RBFOX1: variants seen among roughly 807,000 people sequenced by gnomAD.
RBFOX1 encodes the protein RNA binding fox-1 homolog 1.
Under a neutral mutation model 57.7 loss-of-function variants are expected in RBFOX1, and 8 were observed. The observed-to-expected ratio is 0.14, with a 90% confidence interval of 0.08 to 0.25. The LOEUF (loss-of-function observed/expected upper bound fraction) is 0.25, where lower values mean the gene tolerates loss of function less well. RBFOX1 is among the 10% of genes least tolerant of loss of function. The pLI is 1.00. For missense variants in RBFOX1, 611 were observed against 548.5 expected, an observed-to-expected ratio of 1.11 and a Z score of -1.14; for synonymous variants, 326 against 222.4, an observed-to-expected ratio of 1.47 and a Z score of -4.15.
chr16:6,754,367 G>A (rs76658262), intron 3 of RBFOX1, among the ~76,000 whole-genome samples: 2,169 of 152,204 alleles, frequency 0.014, 45 homozygotes, highest in Middle Eastern at 0.048. Flanking sequence ...ACCTAAATTG[G>A]AATTAAATTT....
chr16:7,463,820 C>T (rs1199665936), intron 4 of RBFOX1, among the ~76,000 whole-genome samples: 1 of 152,140 alleles, frequency 6.6e-6, no homozygotes, highest in Non-Finnish European at 1.5e-5. Flanking sequence ...TTTTAAATGT[C>T]ACTCTATACC....
rs187288603 is a variant in RBFOX1, at chr16:6,108,553, A to G, written c.-127+88561A>G. Reference sequence around the variant, plus strand: ...GAAGTTGGGATGGATTAGGAAGCAGACACTCAGAAAATATGGTGAGCTTAT... The same window carrying G: ...GAAGTTGGGATGGATTAGGAAGCAGGCACTCAGAAAATATGGTGAGCTTAT... On this transcript the variant is annotated intron_variant, in intron 1 of 15. Transcript: ENST00000550418. 2.2e-3 allele frequency among the ~76,000 whole-genome samples: 336 copies of G among 152,328 alleles called. 2 individuals are homozygous for G. The highest frequency in any genetic ancestry group is 7.6e-3 in the African/African-American group (316 of 41,578).
At chr16:7,167,689 G>A (rs746114953) in intron 4 of RBFOX1, among the ~76,000 whole-genome samples, 1 of 152,208 alleles carries the variant, frequency 6.6e-6, no homozygotes, top group Admixed American at 6.5e-5. Context: ...GCAAACTAAG[G>A]CCTGAGAGCC....
chr16:5,469,666 C>A (rs992414768), intron 2 of RBFOX1, among the ~76,000 whole-genome samples: 1 of 152,148 alleles, frequency 6.6e-6, no homozygotes, highest in Non-Finnish European at 1.5e-5. Flanking sequence ...GTCACTCCCC[C>A]TTCCTCCATC....
At chr16:7,236,529 C>G (rs1418538451) in intron 4 of RBFOX1, among the ~76,000 whole-genome samples, 4 of 152,108 alleles carry the variant, frequency 2.6e-5, no homozygotes, top group African/African-American at 4.8e-5. Context: ...CTACTTTTGG[C>G]ATTTTCCCCA....
intron 1 of RBFOX1, among the ~76,000 whole-genome samples, chr16:5,242,196 A>G (rs1305360888): frequency 1.3e-5 from 2 of 152,172 alleles, no homozygotes; most frequent in African/African-American, 2.4e-5. Context: ...TCTGGAGGCT[A>G]AAAGGATGAT....
chr16:6,870,256 G>C lies in RBFOX1; in HGVS notation c.-15-181801G>C, dbSNP rs115636639. Among the ~76,000 whole-genome samples, 1,042 of 152,204 alleles carry C rather than the reference G, an allele frequency of 6.8e-3. 10 individuals carry two copies. Among genetic ancestry groups the C allele is most frequent in the African/African-American group, 0.024 (987 of 41,524 alleles). The stretch of plus-strand genomic sequence containing the variant: ...GCAGCCTGGGGTGGGGCAATGGAGA[G>C]AGCATTCCCTTTGGTCGCTTGAAAA... On this transcript the variant is annotated intron_variant, in intron 3 of 15. Transcript: ENST00000550418.
At chr16:5,929,517 A>G (rs1338616538) in intron 4 of RBFOX1, among the ~76,000 whole-genome samples, 1 of 152,208 alleles carries the variant, frequency 6.6e-6, no homozygotes, top group Non-Finnish European at 1.5e-5. Flanking sequence ...ATTAAAGGAC[A>G]TAATCTATTT....
At chr16:6,497,178 C>T (rs1302811458) in intron 2 of RBFOX1, among the ~76,000 whole-genome samples, 1 of 152,100 alleles carries the variant, frequency 6.6e-6, no homozygotes, top group Non-Finnish European at 1.5e-5. Context: ...TGGCAACAGG[C>T]CGACTAAACC....
intron 4 of RBFOX1, among the ~76,000 whole-genome samples, chr16:7,423,694 C>A (rs1299371914): frequency 6.6e-6 from 1 of 152,148 alleles, no homozygotes; most frequent in Non-Finnish European, 1.5e-5. Context: ...ATTCGCTGAC[C>A]TGCCCAGAGG....
chr16:6,064,355 C>T (rs1054237621), intron 1 of RBFOX1, among the ~76,000 whole-genome samples: 2 of 152,070 alleles, frequency 1.3e-5, no homozygotes, highest in African/African-American at 4.8e-5. Context: ...TGCAAAATGT[C>T]TGCTTGTAGT....
intron 3 of RBFOX1, among the ~76,000 whole-genome samples, chr16:5,625,873 A>C (rs191661137): frequency 3.6e-4 from 53 of 147,894 alleles, no homozygotes; most frequent in African/African-American, 1.3e-3. Context: ...TTTACTCTTT[A>C]ATATCTTATT....
At chr16:7,412,480 C>G (rs1347367670) in intron 4 of RBFOX1, among the ~76,000 whole-genome samples, 2 of 151,078 alleles carry the variant, frequency 1.3e-5, no homozygotes, top group South Asian at 4.2e-4. Context: ...GTACAAACTT[C>G]ACAACATTTC....
chr16:6,783,002 T>C (rs2081285751), intron 3 of RBFOX1, among the ~76,000 whole-genome samples: 1 of 152,160 alleles, frequency 6.6e-6, no homozygotes, highest in Admixed American at 6.5e-5. Flanking sequence ...TTTGTCTCTT[T>C]TTACAGATTT....
At chr16:6,467,800 C>T (rs2095084096) in intron 2 of RBFOX1, among the ~76,000 whole-genome samples, 2 of 152,146 alleles carry the variant, frequency 1.3e-5, no homozygotes, top group South Asian at 4.1e-4. Context: ...GGAAATTTTG[C>T]AAAGCAGTAA....
chr16:6,373,665 A>G (rs1379405282), intron 2 of RBFOX1, among the ~76,000 whole-genome samples: 1 of 152,084 alleles, frequency 6.6e-6, no homozygotes, highest in Admixed American at 6.6e-5. Context: ...GGGTAGATAT[A>G]CAGTTGGATG....
intron 3 of RBFOX1, among the ~76,000 whole-genome samples, chr16:6,919,013 C>G (rs945361956): frequency 6.6e-5 from 10 of 152,130 alleles, no homozygotes; most frequent in African/African-American, 2.4e-4. Flanking sequence ...CAGAGTGTTG[C>G]TCATTCATCC....
intron 4 of RBFOX1, among the ~76,000 whole-genome samples, chr16:7,436,281 G>T (rs917994014): frequency 8.5e-5 from 13 of 152,178 alleles, no homozygotes; most frequent in African/African-American, 3.1e-4. Flanking sequence ...GGATGTTTAT[G>T]TTATTTCCGG....
At chr16:7,487,218 C>A (rs1352589365) in intron 4 of RBFOX1, among the ~76,000 whole-genome samples, 1 of 152,160 alleles carries the variant, frequency 6.6e-6, no homozygotes, top group Non-Finnish European at 1.5e-5. Flanking sequence ...GGCATTTGAA[C>A]TTGCAGTTCC....
Sources: allele counts gnomAD v4.1 joint callset (sites outside exome capture counted in the v4.1 genomes callset), GRCh38; gene constraint gnomAD v4.1.1; transcripts MANE v1.5; gene names NCBI Gene and HGNC (gene_info 2026-07-23, HGNC 2026-07-21).